The following NRXN1 variants were observed in gnomAD, a reference collection of about 807,000 sequenced individuals.
The protein encoded by NRXN1 is neurexin-1.
Under a neutral mutation model 150.9 loss-of-function variants are expected in NRXN1, and 39 were observed. The ratio of observed to expected loss-of-function variants is 0.26; its 90% CI spans 0.20 to 0.34. The LOEUF (loss-of-function observed/expected upper bound fraction) is 0.34. NRXN1 is among the 10% of genes least tolerant of loss of function. NRXN1 has a pLI of 1.00. For missense variants in NRXN1, 1,815 were observed against 1,949.9 expected, an observed-to-expected ratio of 0.93 and a Z score of 1.30; for synonymous variants, 924 against 757.0, an observed-to-expected ratio of 1.22 and a Z score of -3.62.
Position 50,739,215 on chromosome 2 carries a change from C to T in NRXN1, c.833-115600G>A, listed in dbSNP as rs535803917. On this transcript the variant is annotated intron_variant, in intron 5 of 22. Coordinates refer to ENST00000401669, the MANE Select transcript of NRXN1 (RefSeq NM_001330078.2). Reference sequence around the variant, plus strand: ...GATTTTCTGACAGTACAGTAGAAATCGACCAAGGGCACTGGGTTCATTGAG... The same window carrying T: ...GATTTTCTGACAGTACAGTAGAAATTGACCAAGGGCACTGGGTTCATTGAG... 10 of 486,424 alleles carry T rather than the reference C, an allele frequency of 2.1e-5. No homozygotes were observed. In the East Asian group the frequency reaches 2.2e-4, roughly 11 times the overall value. The allele number at this position is 486,424 out of a possible 1,614,324, so 30.1% of individuals were successfully genotyped here.
intron 17 of NRXN1, among the ~76,000 whole-genome samples, chr2:50,391,137 T>C (rs1337632683): frequency 6.6e-6 from 1 of 152,046 alleles, no homozygotes; most frequent in Non-Finnish European, 1.5e-5. Flanking sequence ...TTAAAAGGTC[T>C]TGGGAGTGAG....
At chr2:50,914,859 A>C (rs78189042) in intron 5 of NRXN1, among the ~76,000 whole-genome samples, 5,947 of 151,762 alleles carry the variant, frequency 0.039, 421 homozygotes, top group African/African-American at 0.14. Flanking sequence ...ATCATTAAAC[A>C]AGAATTTATT....
intron 2 of NRXN1, among the ~76,000 whole-genome samples, chr2:50,930,086 G>A (rs1332276410): frequency 6.6e-6 from 1 of 152,004 alleles, no homozygotes; most frequent in African/African-American, 2.4e-5. Flanking sequence ...TTTAACAGAG[G>A]ACATCACCTC....
chr2:50,346,087 G>T lies in NRXN1; in HGVS notation c.3365-109117C>A, dbSNP rs147004249. 6.6e-6 allele frequency among the ~76,000 whole-genome samples: 1 copy of T among 152,190 alleles called. No homozygotes were observed. Among genetic ancestry groups the T allele is most frequent in the Non-Finnish European group, 1.5e-5 (1 of 68,024 alleles). The stretch of plus-strand genomic sequence containing the variant: ...TGGCCCGCATTAAAGGGGATGACTC[G>T]GTTGCCCTCCTAGCTTTTCTAATTA... On this transcript the variant is annotated intron_variant, in intron 17 of 22. Coordinates refer to ENST00000401669, the MANE Select transcript of NRXN1 (RefSeq NM_001330078.2). The surrounding 1 kb of genome is among the most constrained non-coding windows in gnomAD (Gnocchi z 5.0).
At chr2:50,888,090 G>C (rs1468419934) in intron 5 of NRXN1, among the ~76,000 whole-genome samples, 2 of 151,356 alleles carry the variant, frequency 1.3e-5, no homozygotes, top group African/African-American at 4.8e-5. Flanking sequence ...AATCTTTCAA[G>C]ATCAGTACAG....
chr2:50,258,470 A>G (rs937888972), intron 17 of NRXN1, among the ~76,000 whole-genome samples: 3 of 152,048 alleles, frequency 2.0e-5, no homozygotes, highest in Non-Finnish European at 2.9e-5. Flanking sequence ...TCACATGTCC[A>G]GGCTTCACTC....
intron 21 of NRXN1, among the ~76,000 whole-genome samples, chr2:50,051,640 A>C (rs1185593669): frequency 6.6e-6 from 1 of 152,104 alleles, no homozygotes; most frequent in Non-Finnish European, 1.5e-5. Context: ...CTAAAGTCAC[A>C]AGTCTTTATC....
intron 15 of NRXN1, among the ~76,000 whole-genome samples, chr2:50,486,054 T>C (rs1325806329): frequency 6.6e-6 from 1 of 152,186 alleles, no homozygotes; most frequent in Non-Finnish European, 1.5e-5. Flanking sequence ...ACCTTAACAG[T>C]GAACCCAAAC....
chr2:50,842,107 T>G (rs1414018732), intron 5 of NRXN1, among the ~76,000 whole-genome samples: 5 of 152,220 alleles, frequency 3.3e-5, no homozygotes, highest in Non-Finnish European at 7.3e-5. Context: ...AGCATCTTTC[T>G]GGGCACCTCA....
intron 19 of NRXN1, among the ~76,000 whole-genome samples, chr2:50,086,085 T>C (rs1046019790): frequency 6.6e-6 from 1 of 152,186 alleles, no homozygotes; most frequent in Non-Finnish European, 1.5e-5. Context: ...TAGAAGAACG[T>C]TGAAGTTCCT....
intron 17 of NRXN1, among the ~76,000 whole-genome samples, chr2:50,394,990 C>A (rs918559506): frequency 6.6e-6 from 1 of 151,888 alleles, no homozygotes; most frequent in Admixed American, 6.6e-5. Context: ...ATAAAAGGTC[C>A]CCTTTCAAAG....
chr2:50,345,832 G>A (rs1048522606), intron 17 of NRXN1, among the ~76,000 whole-genome samples: 1 of 152,174 alleles, frequency 6.6e-6, no homozygotes, highest in Non-Finnish European at 1.5e-5. Flanking sequence ...AGCATTGACT[G>A]ACTTGCCCTT....
chr2:50,850,384 A>AC (rs1674345389), intron 5 of NRXN1, among the ~76,000 whole-genome samples: 1 of 152,102 alleles, frequency 6.6e-6, no homozygotes, highest in South Asian at 2.1e-4. Context: ...TGGTCAAAAT[A>AC]TTTTTCTTCT....
chr2:50,125,838 T>G (rs1311842652), intron 18 of NRXN1, among the ~76,000 whole-genome samples: 1 of 152,074 alleles, frequency 6.6e-6, no homozygotes, highest in Non-Finnish European at 1.5e-5. Context: ...CTGCATATTT[T>G]TTGGAGGTTG....
chr2:50,557,090 G>A (rs1428888504), intron 8 of NRXN1, among the ~76,000 whole-genome samples: 2 of 152,086 alleles, frequency 1.3e-5, no homozygotes, highest in Non-Finnish European at 1.5e-5. Context: ...GCATCTTCTC[G>A]TACACAGACA....
At chr2:50,757,718 G>T (rs1043363422) in intron 5 of NRXN1, among the ~76,000 whole-genome samples, 1 of 151,720 alleles carries the variant, frequency 6.6e-6, no homozygotes, top group Non-Finnish European at 1.5e-5. Context: ...GATAGTCTTT[G>T]ATTGGGCATG....
At chr2:50,493,082 ACT>A (rs1252876337) in intron 15 of NRXN1, among the ~76,000 whole-genome samples, 1 of 152,112 alleles carries the variant, frequency 6.6e-6, no homozygotes, top group African/African-American at 2.4e-5. Context: ...GGCTGCAATG[ACT>A]CTCAGCAGGA....
chr2:50,801,286 C>T (rs72837083), intron 5 of NRXN1, among the ~76,000 whole-genome samples: 18,922 of 151,878 alleles, frequency 0.12, 1,693 homozygotes, highest in East Asian at 0.31. Flanking sequence ...TTTTTTTGTT[C>T]AGGATAAAAA....
At chr2:50,709,410 T>C (rs1694854662) in intron 5 of NRXN1, among the ~76,000 whole-genome samples, 1 of 152,138 alleles carries the variant, frequency 6.6e-6, no homozygotes. Context: ...TGAGACATTA[T>C]AGCAGGAGGA....
Sources: gnomAD v4.1 joint callset for allele counts (sites outside exome capture counted in the v4.1 genomes callset) on GRCh38, gnomAD v4.1.1 for gene constraint, Gnocchi (gnomAD v3.1) non-coding constraint, MANE v1.5 for transcripts, NCBI Gene and HGNC (gene_info 2026-07-23, HGNC 2026-07-21) for gene names.